Variants in TBC1D4 observed in about 807,000 individuals in gnomAD.
The protein encoded by TBC1D4 is TBC (Tre-2, BUB2, CDC16) domain-containing protein.
TBC1D4 carries 121 observed loss-of-function variants against 142.5 expected under a neutral mutation model. The ratio of observed to expected loss-of-function variants is 0.85; its 90% CI spans 0.73 to 0.99. TBC1D4 has a LOEUF of 0.99. Among genes scored for constraint, TBC1D4 ranks in the 50% least tolerant of loss-of-function variants. The probability of loss-of-function intolerance (pLI) is 0.00; values close to 1 mark genes in which losing one functional copy is unlikely to be tolerated. For missense variants in TBC1D4, 1,475 were observed against 1,606.6 expected, an observed-to-expected ratio of 0.92 and a Z score of 1.40; for synonymous variants, 630 against 628.2, an observed-to-expected ratio of 1.00 and a Z score of -0.04.
intron 14 of TBC1D4, among the ~76,000 whole-genome samples, chr13:75,307,975 TAG>T (rs1216087830): frequency 6.6e-6 from 1 of 152,230 alleles, no homozygotes; most frequent in African/African-American, 2.4e-5. Context: ...ATTACTTCCT[TAG>T]AGTTTTTCTC....
intron 1 of TBC1D4, among the ~76,000 whole-genome samples, chr13:75,454,345 C>T (rs1275794667): frequency 6.6e-6 from 1 of 152,278 alleles, no homozygotes; most frequent in Non-Finnish European, 1.5e-5. Flanking sequence ...AGAAAGTAGA[C>T]AATCTAACAT....
At chr13:75,453,317 C>T (rs1457715516) in intron 1 of TBC1D4, among the ~76,000 whole-genome samples, 5 of 151,886 alleles carry the variant, frequency 3.3e-5, no homozygotes, top group Non-Finnish European at 4.4e-5. Flanking sequence ...CAAAGGATAT[C>T]GAACAAGCAA....
intron 1 of TBC1D4, among the ~76,000 whole-genome samples, chr13:75,386,785 T>G (rs1240660851): frequency 6.6e-6 from 1 of 152,186 alleles, no homozygotes. Flanking sequence ...TGAACATCTT[T>G]CCGCCATTTC....
intron 5 of TBC1D4, among the ~76,000 whole-genome samples, 173 bp downstream of exon 5, chr13:75,348,990 TGTGTGTC>T (rs1881383070): frequency 6.6e-6 from 1 of 151,182 alleles, no homozygotes; most frequent in Non-Finnish European, 1.5e-5. Flanking sequence ...TGTGTGTGTG[TGTGTGTC>T]AAGCACCTAG....
At position 75,361,471 on chromosome 13, in the gene TBC1D4, C is replaced by A. The variant is rs149155943; in HGVS notation, c.1080+555G>T. On this transcript the variant is annotated intron_variant, in intron 2 of 20. Transcript: ENST00000377636. ...TCTCAGCTCACTACAACCTCCGACTCCCCAGTTCAAGCAATTCTCCCGCCT... is the reference window on the plus strand; with the variant it reads ...TCTCAGCTCACTACAACCTCCGACTACCCAGTTCAAGCAATTCTCCCGCCT... Among the ~76,000 whole-genome samples the A allele has an allele frequency of 3.7e-3, 559 of 152,246 alleles. 9 individuals are homozygous for A. The highest frequency in any genetic ancestry group is 0.013 in the African/African-American group (534 of 41,544).
chr13:75,301,987 T>C lies in TBC1D4; in HGVS notation c.2911+256A>G, dbSNP rs114315506. Among the ~76,000 whole-genome samples, 941 of 152,314 alleles carry C rather than the reference T, an allele frequency of 6.2e-3. 5 individuals are homozygous for C. Among genetic ancestry groups the C allele is most frequent in the African/African-American group, 0.021 (893 of 41,550 alleles). ...AGAGCACCCCATAATATGACCTTTA[T>C]AATAATTTAAATATAAGATGGCTCC... On this transcript the variant is annotated intron_variant, in intron 16 of 20. Coordinates refer to ENST00000377636, the MANE Select transcript of TBC1D4 (RefSeq NM_014832.5).
intron 5 of TBC1D4, among the ~76,000 whole-genome samples, chr13:75,347,623 T>A (rs1233203388): frequency 6.6e-6 from 1 of 152,178 alleles, no homozygotes; most frequent in Non-Finnish European, 1.5e-5. Context: ...ATCTAGCATG[T>A]ATTACTAAGC....
At chr13:75,344,465 C>A (rs1880992487) in intron 5 of TBC1D4, among the ~76,000 whole-genome samples, 2 of 152,150 alleles carry the variant, frequency 1.3e-5, no homozygotes, top group Admixed American at 6.5e-5. Context: ...TCCTTCCTCC[C>A]AGCAACTGGA....
chr13:75,415,505 C>G (rs911602580), intron 1 of TBC1D4, among the ~76,000 whole-genome samples: 1 of 152,192 alleles, frequency 6.6e-6, no homozygotes, highest in East Asian at 1.9e-4. Flanking sequence ...TTACACTCTA[C>G]TTGGGAACAC....
At chr13:75,447,416 C>T (rs1197148712) in intron 1 of TBC1D4, among the ~76,000 whole-genome samples, 1 of 151,650 alleles carries the variant, frequency 6.6e-6, no homozygotes, top group Non-Finnish European at 1.5e-5. Context: ...CTTATTGTTA[C>T]TTATATTTTC....
chr13:75,313,664 G>T (rs966597118), intron 12 of TBC1D4, among the ~76,000 whole-genome samples: 2 of 152,046 alleles, frequency 1.3e-5, no homozygotes, highest in Non-Finnish European at 2.9e-5. Context: ...TGGGACTACA[G>T]GTGCACACCG....
chr13:75,399,124 G>A (rs1454924370), intron 1 of TBC1D4, among the ~76,000 whole-genome samples: 11 of 152,116 alleles, frequency 7.2e-5, no homozygotes, highest in African/African-American at 2.4e-4. Context: ...GGCGGATCAC[G>A]AGGTCAGGAG....
At chr13:75,328,504 G>A (rs1879466574) in intron 8 of TBC1D4, among the ~76,000 whole-genome samples, 1 of 152,122 alleles carries the variant, frequency 6.6e-6, no homozygotes, top group African/African-American at 2.4e-5. Flanking sequence ...GAACCTAAGA[G>A]ATTATTCTTT....
At chr13:75,420,065 CAGA>C (rs1886097971) in intron 1 of TBC1D4, among the ~76,000 whole-genome samples, 1 of 152,108 alleles carries the variant, frequency 6.6e-6, no homozygotes, top group Admixed American at 6.6e-5. Flanking sequence ...AGGAACATAT[CAGA>C]AGAAGGGCAA....
chr13:75,312,601 G>C, intron 13 of TBC1D4, 137 bp downstream of exon 13: 1 of 1,170,448 alleles, frequency 8.5e-7, no homozygotes, highest in East Asian at 2.5e-5. Context: ...ATACCTGAAA[G>C]AGAAACCACT....
chr13:75,311,465 T>C (rs1287438863), intron 13 of TBC1D4, among the ~76,000 whole-genome samples: 1 of 152,208 alleles, frequency 6.6e-6, no homozygotes, highest in Non-Finnish European at 1.5e-5. Flanking sequence ...TTACTTTTAT[T>C]ATTTACTTCC....
intron 1 of TBC1D4, among the ~76,000 whole-genome samples, chr13:75,472,861 A>G (rs944374227): frequency 2.0e-5 from 3 of 152,226 alleles, no homozygotes; most frequent in African/African-American, 7.2e-5. Flanking sequence ...GAGAAAGGCT[A>G]TCAGTTTAAT....
intron 1 of TBC1D4, among the ~76,000 whole-genome samples, chr13:75,476,425 C>T (rs1173322149): frequency 6.6e-6 from 1 of 152,148 alleles, no homozygotes; most frequent in African/African-American, 2.4e-5. Context: ...ACGTTTCTGA[C>T]GTTAAAACAC....
chr13:75,444,124 A>G (rs559435665), intron 1 of TBC1D4, among the ~76,000 whole-genome samples: 7 of 152,164 alleles, frequency 4.6e-5, no homozygotes, highest in African/African-American at 1.7e-4. Context: ...AAATGATACA[A>G]TTCTTTTTTC....
Sources: allele counts gnomAD v4.1 joint callset (sites outside exome capture counted in the v4.1 genomes callset), GRCh38; gene constraint gnomAD v4.1.1; transcripts MANE v1.5; gene names NCBI Gene and HGNC (gene_info 2026-07-23, HGNC 2026-07-21).